CSRNP3: variants seen among roughly 807,000 people sequenced by gnomAD.
The protein encoded by CSRNP3 is cysteine and serine rich nuclear protein 3.
CSRNP3 carries 12 observed loss-of-function variants against 48.0 expected under a neutral mutation model. The observed-to-expected ratio is 0.25, with a 90% CI of 0.16 to 0.41. The LOEUF is 0.41. CSRNP3 is among the 10% of genes least tolerant of loss of function. The pLI, the probability that CSRNP3 is intolerant of heterozygous loss-of-function variation, is 1.00. For synonymous variants in CSRNP3, 263 were observed against 269.7 expected, an observed-to-expected ratio of 0.98 and a Z score of 0.24; for missense variants, 580 against 724.4, an observed-to-expected ratio of 0.80 and a Z score of 2.29.
chr2:165,678,175 A>G (rs946982473), intron 6 of CSRNP3, among the ~76,000 whole-genome samples: 2 of 152,222 alleles, frequency 1.3e-5, no homozygotes, highest in Non-Finnish European at 2.9e-5. Flanking sequence ...CCATTTTATA[A>G]TAAGCAAAGG....
rs150817240 is a variant in CSRNP3 at position 165,531,466 on chromosome 2, A to C, written c.-24+13505A>C. Among the ~76,000 whole-genome samples the C allele has an allele frequency of 1.1e-3, 170 of 152,262 alleles. 2 individuals are homozygous for C. In the Middle Eastern group the frequency reaches 0.017, roughly 15 times the overall value. On this transcript the variant is annotated intron_variant, in intron 3 of 6. Coordinates refer to ENST00000651982, the MANE Select transcript of CSRNP3 (RefSeq NM_001172173.2). The stretch of plus-strand genomic sequence containing the variant: ...TTCAAGTAGGTCATTCTTCATCTGC[A>C]TGTTTCAGATTCTCTATGAGTGAGA...
intron 4 of CSRNP3, among the ~76,000 whole-genome samples, chr2:165,627,936 C>T (rs182906824): frequency 2.0e-4 from 31 of 152,304 alleles, no homozygotes; most frequent in Non-Finnish European, 2.1e-4. Flanking sequence ...CTCGTTTTCT[C>T]TCCAGTGCCC....
intron 3 of CSRNP3, among the ~76,000 whole-genome samples, chr2:165,578,815 G>A (rs1025961441): frequency 2.0e-5 from 3 of 152,208 alleles, no homozygotes; most frequent in South Asian, 4.1e-4. Flanking sequence ...AATGTGAAGA[G>A]GCTGAATAAG....
At chr2:165,649,721 A>T (rs1376426885) in intron 4 of CSRNP3, among the ~76,000 whole-genome samples, 1 of 152,238 alleles carries the variant, frequency 6.6e-6, no homozygotes, top group South Asian at 2.1e-4. Context: ...CTTTTTCTTG[A>T]TTTTTATTTT....
intron 4 of CSRNP3, among the ~76,000 whole-genome samples, chr2:165,598,230 A>G (rs779526925): frequency 6.6e-6 from 1 of 152,200 alleles, no homozygotes; most frequent in Non-Finnish European, 1.5e-5. Context: ...ATTTATTTTC[A>G]TGATAGTTAT....
chr2:165,470,455 T>A (rs1373946280), intron 1 of CSRNP3, among the ~76,000 whole-genome samples: 4 of 152,124 alleles, frequency 2.6e-5, no homozygotes, highest in Non-Finnish European at 5.9e-5. Context: ...AGATTAAACA[T>A]TGCTGTAAAA....
chr2:165,481,663 A>AT (rs1684044603), intron 1 of CSRNP3, among the ~76,000 whole-genome samples: 1 of 152,120 alleles, frequency 6.6e-6, no homozygotes, highest in South Asian at 2.1e-4. Context: ...CCCAGAGAAG[A>AT]TTTTAGAGTA....
chr2:165,596,135 A>ATTTTTTTTTTTTTTTT (rs11317294), intron 4 of CSRNP3, among the ~76,000 whole-genome samples: 1 of 120,518 alleles, frequency 8.3e-6, no homozygotes. Context: ...TTTCTTTTTG[A>ATTTTTTTTTTTTTTTT]TTTTTTTTTT....
At position 165,509,918 on chromosome 2, in the gene CSRNP3, C is replaced by T. The variant is rs973375250; in HGVS notation, c.-112-7955C>T. 2.0e-5 allele frequency among the ~76,000 whole-genome samples: 3 copies of T among 152,182 alleles called. 1 individual carries two copies. In the East Asian group the frequency reaches 5.8e-4, roughly 29 times the overall value. Reference sequence around the variant, plus strand: ...ACTGTCTTTCCTTGTTTTTTATTATCCTGATTTTTTGAAGAGCTTGAGTCA... The same window carrying T: ...ACTGTCTTTCCTTGTTTTTTATTATTCTGATTTTTTGAAGAGCTTGAGTCA... On this transcript the variant is annotated intron_variant, in intron 2 of 6. Transcript: ENST00000651982.
chr2:165,492,950 A>AAT (rs1684238166), intron 1 of CSRNP3, among the ~76,000 whole-genome samples: 1 of 151,344 alleles, frequency 6.6e-6, no homozygotes. Context: ...AAAAAAAAAA[A>AAT]AAGGAGTCAC....
chr2:165,658,166 A>G (rs868555198), intron 5 of CSRNP3, 146 bp downstream of exon 5: 2 of 876,002 alleles, frequency 2.3e-6, no homozygotes, highest in East Asian at 2.7e-5. Context: ...GCAAAACGAT[A>G]TAGTCTGTTT....
intron 3 of CSRNP3, among the ~76,000 whole-genome samples, chr2:165,560,621 G>T (rs1685222225): frequency 6.6e-6 from 1 of 152,106 alleles, no homozygotes; most frequent in African/African-American, 2.4e-5. Context: ...TAAACCACAG[G>T]AAGCATAACT....
chr2:165,548,725 A>C (rs763898556), intron 3 of CSRNP3, among the ~76,000 whole-genome samples: 3 of 152,010 alleles, frequency 2.0e-5, no homozygotes, highest in Non-Finnish European at 4.4e-5. Flanking sequence ...CAAGTACCTA[A>C]AATCTACCAG....
At chr2:165,653,574 G>C (rs1353375484) in intron 4 of CSRNP3, among the ~76,000 whole-genome samples, 1 of 152,098 alleles carries the variant, frequency 6.6e-6, no homozygotes. Flanking sequence ...CATCCAGAAG[G>C]GTGAAGAATT....
chr2:165,653,251 C>CT (rs1686944355), intron 4 of CSRNP3, among the ~76,000 whole-genome samples: 1 of 152,186 alleles, frequency 6.6e-6, no homozygotes, highest in Non-Finnish European at 1.5e-5. Context: ...TAAGGCTGAT[C>CT]TTGTAGTATT....
intron 1 of CSRNP3, among the ~76,000 whole-genome samples, chr2:165,482,760 T>A (rs1384102357): frequency 6.6e-6 from 1 of 152,186 alleles, no homozygotes; most frequent in Non-Finnish European, 1.5e-5. Flanking sequence ...TTGATAAAAA[T>A]CAATGTTCTC....
chr2:165,603,931 G>T (rs1463080787), intron 4 of CSRNP3, among the ~76,000 whole-genome samples: 1 of 152,070 alleles, frequency 6.6e-6, no homozygotes, highest in Non-Finnish European at 1.5e-5. Flanking sequence ...ATTCATATTT[G>T]TTATTACCCA....
At chr2:165,581,737 A>G (rs1487520684) in intron 3 of CSRNP3, among the ~76,000 whole-genome samples, 2 of 152,064 alleles carry the variant, frequency 1.3e-5, no homozygotes, top group Non-Finnish European at 2.9e-5. Context: ...GGGTTTCACC[A>G]TGTTGGCCAG....
intron 3 of CSRNP3, among the ~76,000 whole-genome samples, chr2:165,524,659 T>A (rs1684709549): frequency 6.6e-6 from 1 of 152,200 alleles, no homozygotes; most frequent in African/African-American, 2.4e-5. Context: ...ACTACAGTTT[T>A]GCCTTTTCTA....
Sources: gnomAD v4.1 joint callset for allele counts (sites outside exome capture counted in the v4.1 genomes callset) on GRCh38, gnomAD v4.1.1 for gene constraint, MANE v1.5 for transcripts, NCBI Gene and HGNC (gene_info 2026-07-23, HGNC 2026-07-21) for gene names.